The following RAB35 variants were observed in gnomAD, a reference collection of about 807,000 sequenced individuals.
The protein encoded by RAB35 is ras-related protein Rab-35.
In RAB35, 4 loss-of-function variants were observed where a neutral mutation model predicts 28.9. The ratio of observed to expected loss-of-function variants is 0.14; its 90% CI spans 0.07 to 0.32. The LOEUF is 0.32. RAB35 is among the 10% of genes least tolerant of loss of function. The probability of loss-of-function intolerance (pLI) is 1.00; values close to 1 mark genes in which losing one functional copy is unlikely to be tolerated. For synonymous variants in RAB35, 99 were observed against 105.1 expected, an observed-to-expected ratio of 0.94 and a Z score of 0.35; for missense variants, 128 against 274.0, an observed-to-expected ratio of 0.47 and a Z score of 3.76.
rs759090175 is a variant in RAB35, at chr12:120,098,944, G to A, written c.353-9C>T. The A allele has an allele frequency of 2.2e-5, 35 of 1,614,046 alleles. No individual in the cohort carries two copies. Among genetic ancestry groups the A allele is most frequent in the Admixed American group, 1.8e-4 (11 of 60,008 alleles). On this transcript the variant is annotated splice_polypyrimidine_tract_variant and intron_variant, in intron 4 of 5. Transcript: ENST00000229340. ...GTCATTCTTATTACCCACTTCAAAC[G>A]AAGGCAGAGTCAGCGCAGCCCTGAG...
chr12:120,116,160 C>T lies in RAB35; in HGVS notation c.52+439G>A, dbSNP rs1037967338. Among the ~76,000 whole-genome samples, 8 of 152,144 alleles carry T rather than the reference C, an allele frequency of 5.3e-5. No individual in the cohort carries two copies. In the South Asian group the frequency reaches 1.7e-3, roughly 31 times the overall value. On this transcript the variant is annotated intron_variant, in intron 1 of 5. Transcript: ENST00000229340. ...TTCGAGCTTACTTTACCGGGTAGGG[C>T]GCTACGCACTTTTCCTACTTTATCC...
At chr12:120,113,997 C>G (rs1876230040) in intron 1 of RAB35, among the ~76,000 whole-genome samples, 1 of 152,226 alleles carries the variant, frequency 6.6e-6, no homozygotes, top group South Asian at 2.1e-4. Flanking sequence ...CTGACATGAG[C>G]TGCTCGCACA....
intron 3 of RAB35, 69 bp from the exon 4 acceptor site, chr12:120,099,223 G>A (rs1875560636): frequency 1.1e-5 from 18 of 1,597,262 alleles, no homozygotes; most frequent in Non-Finnish European, 1.5e-5. Context: ...GGACCCACCT[G>A]CCCACGTCAG....
chr12:120,105,313 G>A (rs920766974), intron 2 of RAB35, among the ~76,000 whole-genome samples: 2 of 151,504 alleles, frequency 1.3e-5, no homozygotes, highest in African/African-American at 4.9e-5. Flanking sequence ...CCAGCCAGGG[G>A]AACGCCAAGG....
At chr12:120,108,139 T>C (rs1045281084) in intron 2 of RAB35, among the ~76,000 whole-genome samples, 4 of 152,004 alleles carry the variant, frequency 2.6e-5, no homozygotes, top group African/African-American at 7.2e-5. Flanking sequence ...GGTGGCACCA[T>C]AGACGCTGTT....
At chr12:120,097,453 T>C in intron 5 of RAB35, 80 bp from the exon 6 acceptor site, 5 of 1,172,294 alleles carry the variant, frequency 4.3e-6, no homozygotes, top group Non-Finnish European at 6.1e-6. Context: ...CCTCCCCGCC[T>C]TCCGGGGCCC....
chr12:120,104,656 G>T (rs1030948164), intron 2 of RAB35, among the ~76,000 whole-genome samples: 9 of 133,624 alleles, frequency 6.7e-5, no homozygotes, highest in Admixed American at 1.4e-4. Flanking sequence ...TTTTTTTGGT[G>T]GGGGGGGGAC....
intron 1 of RAB35, among the ~76,000 whole-genome samples, chr12:120,114,762 G>A (rs1043791084): frequency 6.6e-5 from 10 of 152,190 alleles, no homozygotes; most frequent in East Asian, 1.9e-4. Flanking sequence ...GTGAGAAAGC[G>A]GGCCAAACCC....
At chr12:120,099,782 C>A (rs78591683) in intron 3 of RAB35, among the ~76,000 whole-genome samples, 4,614 of 152,282 alleles carry the variant, frequency 0.03, 102 homozygotes, top group Non-Finnish European at 0.046. Context: ...CAGGGCCAGC[C>A]AGGAAGGCCA....
chr12:120,101,534 G>A (rs1875657317), intron 3 of RAB35, among the ~76,000 whole-genome samples: 3 of 152,180 alleles, frequency 2.0e-5, no homozygotes. Context: ...GCCCTGCATC[G>A]GAAAAAAGTC....
chr12:120,096,439 C>T lies in RAB35; in HGVS notation c.*806G>A, dbSNP rs1232990200. On this transcript the variant is annotated 3_prime_UTR_variant, in exon 6 of 6. Coordinates refer to ENST00000229340, the MANE Select transcript of RAB35 (RefSeq NM_006861.7). ...GTTAAAATAATCCTCCCATAGCCCC[C>T]CTGCCAGCCCCATCTCTGCACGAAC... 4.7e-6 allele frequency: 6 copies of T among 1,288,136 alleles called. No homozygotes were observed. The highest frequency in any genetic ancestry group is 6.1e-6 in the Non-Finnish European group (6 of 987,718). 79.8% of individuals were successfully genotyped at this position (1,288,136 alleles called of 1,614,324 possible). A position where few individuals can be genotyped will look rare whatever the true frequency, so the allele number is the denominator to read the frequency against.
At chr12:120,107,681 AC>A (rs1487760485) in intron 2 of RAB35, among the ~76,000 whole-genome samples, 2 of 152,016 alleles carry the variant, frequency 1.3e-5, no homozygotes, top group Non-Finnish European at 2.9e-5. Flanking sequence ...AGCCTGACCA[AC>A]ATGGTGAAAC....
At chr12:120,105,115 T>C (rs983285674) in intron 2 of RAB35, among the ~76,000 whole-genome samples, 2 of 152,092 alleles carry the variant, frequency 1.3e-5, no homozygotes, top group Non-Finnish European at 2.9e-5. Context: ...AAAGGTCAAA[T>C]TCCAAGGTGG....
chr12:120,109,023 T>G (rs1183472594), intron 1 of RAB35, among the ~76,000 whole-genome samples: 1 of 152,166 alleles, frequency 6.6e-6, no homozygotes, highest in Non-Finnish European at 1.5e-5. Flanking sequence ...GGTGGGCTGG[T>G]GGAGTGGAGG....
intron 1 of RAB35, 52 bp from the exon 2 acceptor site, chr12:120,108,519 C>T (rs774292653): frequency 1.3e-6 from 2 of 1,534,136 alleles, no homozygotes; most frequent in East Asian, 2.3e-5. Context: ...CCCCTCCCCG[C>T]AGCCCCAGCC....
At position 120,095,159 on chromosome 12, in the gene RAB35, A is replaced by G. The variant is rs1411346370; in HGVS notation, c.*2086T>C. ...TAAAAAGCATAATTAGAAACTTTCAATACAGAAATACTCCTAGCAAACCAT... is the reference window on the plus strand; with the variant it reads ...TAAAAAGCATAATTAGAAACTTTCAGTACAGAAATACTCCTAGCAAACCAT... On this transcript the variant is annotated 3_prime_UTR_variant, in exon 6 of 6. Coordinates refer to ENST00000229340, the MANE Select transcript of RAB35 (RefSeq NM_006861.7). The G allele has an allele frequency of 2.0e-5, 3 of 152,504 alleles. No individual in the cohort carries two copies. Among genetic ancestry groups the G allele is most frequent in the African/African-American group, 4.8e-5 (2 of 41,458 alleles). The allele number at this position is 152,504 out of a possible 1,614,324, so 9.4% of individuals were successfully genotyped here.
rs758240124 is a variant in RAB35, at chr12:120,103,912, G to A, written c.141C>T (p.Ile47=). 1 of 1,613,972 alleles carries A rather than the reference G, an allele frequency of 6.2e-7. No homozygotes were observed. Among genetic ancestry groups the A allele is most frequent in the East Asian group, 2.2e-5 (1 of 44,886 alleles). The part of the protein sequence containing the change: ...YITTIGVDFK[I]RTVEINGEKV... ...TCTCCCCGTTGATCTCCACGGTCCG[G>A]ATCTTGAAATCCACTCCGATCGTGG... The change falls in exon 3 of 6, where the codon ATC becomes ATT. Residue 47 remains isoleucine, a synonymous_variant. Transcript: ENST00000229340. This position sits in a 1 kb window ranked among gnomAD's most constrained non-coding sequence, Gnocchi z 6.1.
At chr12:120,111,942 A>G (rs893249580) in intron 1 of RAB35, among the ~76,000 whole-genome samples, 1 of 151,216 alleles carries the variant, frequency 6.6e-6, no homozygotes, top group Non-Finnish European at 1.5e-5. Flanking sequence ...AGGCTGCCCA[A>G]GGGCACATCA....
At chr12:120,110,878 C>CTCCT (rs1566287650) in intron 1 of RAB35, among the ~76,000 whole-genome samples, 1 of 152,240 alleles carries the variant, frequency 6.6e-6, no homozygotes, top group Non-Finnish European at 1.5e-5. Flanking sequence ...CTTGCTCCGC[C>CTCCT]GTGAGGCTTC....
Sources: gnomAD v4.1 joint callset for allele counts (sites outside exome capture counted in the v4.1 genomes callset) on GRCh38, gnomAD v4.1.1 for gene constraint, Gnocchi (gnomAD v3.1) non-coding constraint, MANE v1.5 for transcripts, NCBI Gene and HGNC (gene_info 2026-07-23, HGNC 2026-07-21) for gene names.